The following MAGI2 variants were observed in gnomAD, a reference collection of about 807,000 sequenced individuals.
The protein encoded by MAGI2 is membrane associated guanylate kinase, WW and PDZ domain containing 2.
A neutral mutation model predicts 133.3 loss-of-function variants in MAGI2; 35 were observed. That is an observed-to-expected ratio of 0.26 (90% CI 0.20 to 0.35). MAGI2 has a LOEUF of 0.35. MAGI2 is among the 10% of genes least tolerant of loss of function. The probability of loss-of-function intolerance (pLI) is 1.00; values close to 1 mark genes in which losing one functional copy is unlikely to be tolerated. For synonymous variants in MAGI2, 729 were observed against 710.6 expected, an observed-to-expected ratio of 1.03 and a Z score of -0.41; for missense variants, 1,636 against 1,863.4, an observed-to-expected ratio of 0.88 and a Z score of 2.25.
intron 2 of MAGI2, among the ~76,000 whole-genome samples, chr7:78,699,198 C>G (rs1256209043): frequency 6.6e-6 from 1 of 152,142 alleles, no homozygotes; most frequent in Non-Finnish European, 1.5e-5. Context: ...CAATCTCTGC[C>G]TTGCGGGCTC....
chr7:78,271,314 G>T (rs1432994727), intron 9 of MAGI2, among the ~76,000 whole-genome samples: 1 of 152,136 alleles, frequency 6.6e-6, no homozygotes, highest in Non-Finnish European at 1.5e-5. Flanking sequence ...CGACTTGATC[G>T]TGGAGGATAA....
At chr7:79,235,279 C>T (rs1831800041) in intron 1 of MAGI2, among the ~76,000 whole-genome samples, 1 of 152,158 alleles carries the variant, frequency 6.6e-6, no homozygotes, top group African/African-American at 2.4e-5. Context: ...GAGGTGGAGC[C>T]TAGAGAGGCA....
At chr7:78,163,879 C>G (rs1005795633) in intron 15 of MAGI2, among the ~76,000 whole-genome samples, 14 of 144,180 alleles carry the variant, frequency 9.7e-5, no homozygotes, top group South Asian at 2.2e-4. Context: ...TGCACTCCAG[C>G]CTGGGCAACA....
intron 2 of MAGI2, among the ~76,000 whole-genome samples, chr7:78,650,438 A>C (rs1193044961): frequency 2.6e-5 from 4 of 152,156 alleles, no homozygotes; most frequent in African/African-American, 9.7e-5. Context: ...CAAGGGTCCC[A>C]TGTGTCATTT....
At chr7:78,725,178 G>A (rs1390822) in intron 2 of MAGI2, among the ~76,000 whole-genome samples, 6,796 of 152,206 alleles carry the variant, frequency 0.045, 277 homozygotes, top group East Asian at 0.22. Flanking sequence ...AACAATTTAC[G>A]TCTTTTTTGA....
At chr7:79,425,698 G>C (rs913816776) in intron 1 of MAGI2, among the ~76,000 whole-genome samples, 31 of 151,308 alleles carry the variant, frequency 2.0e-4, no homozygotes, top group African/African-American at 7.5e-4. Flanking sequence ...AAATTAACCT[G>C]ATAATATTTA....
chr7:79,005,728 T>C lies in MAGI2; in HGVS notation c.418+1362A>G, dbSNP rs372804168. On this transcript the variant is annotated intron_variant, in intron 2 of 21. Coordinates refer to ENST00000354212, the MANE Select transcript of MAGI2 (RefSeq NM_012301.4). ...TTGCTGCACTGACAACATCATAGCT[T>C]TGAAAATGCGTCCACCCGTTACCTT... 6.6e-5 allele frequency among the ~76,000 whole-genome samples: 10 copies of C among 152,296 alleles called. No individual in the cohort carries two copies. In the East Asian group the frequency reaches 1.2e-3, roughly 18 times the overall value.
At chr7:78,297,339 G>C (rs939641291) in intron 9 of MAGI2, among the ~76,000 whole-genome samples, 5 of 152,030 alleles carry the variant, frequency 3.3e-5, no homozygotes, top group South Asian at 4.2e-4. Context: ...ACAGGTGCTG[G>C]AGAGGATGTG....
intron 9 of MAGI2, among the ~76,000 whole-genome samples, chr7:78,314,572 C>T (rs1338886255): frequency 6.6e-6 from 1 of 152,132 alleles, no homozygotes. Context: ...TTAGCATTGG[C>T]TCTATTAGTA....
intron 20 of MAGI2, among the ~76,000 whole-genome samples, chr7:78,115,176 G>A (rs1284406253): frequency 6.6e-6 from 1 of 152,168 alleles, no homozygotes; most frequent in Non-Finnish European, 1.5e-5. Context: ...TGGGAACCTT[G>A]AGTTTCCATT....
chr7:78,487,711 C>G (rs964696377), intron 6 of MAGI2, among the ~76,000 whole-genome samples: 2 of 152,074 alleles, frequency 1.3e-5, no homozygotes, highest in African/African-American at 4.8e-5. Context: ...AGCTTTCACT[C>G]TATCTGGCTA....
intron 9 of MAGI2, among the ~76,000 whole-genome samples, chr7:78,297,352 G>GAAAT (rs1240704411): frequency 1.3e-5 from 2 of 152,012 alleles, no homozygotes; most frequent in Non-Finnish European, 2.9e-5. Context: ...AGGATGTGGA[G>GAAAT]AAATAGGAAC....
intron 2 of MAGI2, among the ~76,000 whole-genome samples, chr7:78,964,604 C>T (rs770440476): frequency 2.0e-4 from 31 of 152,172 alleles, no homozygotes; most frequent in Non-Finnish European, 3.4e-4. Flanking sequence ...TTCCCACCTG[C>T]TTCCTATGGA....
chr7:78,692,158 G>T (rs552205595), intron 2 of MAGI2, among the ~76,000 whole-genome samples: 84 of 152,258 alleles, frequency 5.5e-4, no homozygotes, highest in Non-Finnish European at 1.0e-4. Context: ...CAGTAAGCAG[G>T]TTTTTACATG....
intron 16 of MAGI2, 125 bp downstream of exon 16, chr7:78,159,900 C>G (rs548540742): frequency 7.8e-7 from 1 of 1,279,340 alleles, no homozygotes; most frequent in South Asian, 2.0e-5. Flanking sequence ...TGCCCACAGC[C>G]TGTGGCTTTC....
At chr7:79,324,593 AC>A (rs1839480632) in intron 1 of MAGI2, among the ~76,000 whole-genome samples, 1 of 53,152 alleles carries the variant, frequency 1.9e-5, no homozygotes, top group African/African-American at 6.5e-5. Context: ...TATATATATA[AC>A]AATATATATA....
intron 2 of MAGI2, among the ~76,000 whole-genome samples, chr7:78,928,461 C>A (rs1306010871): frequency 6.6e-6 from 1 of 151,574 alleles, no homozygotes; most frequent in East Asian, 1.9e-4. Context: ...AGGCTCATTC[C>A]TTTTAAATAG....
At chr7:78,141,469 T>C (rs554767614) in intron 16 of MAGI2, among the ~76,000 whole-genome samples, 2 of 152,176 alleles carry the variant, frequency 1.3e-5, no homozygotes, top group Non-Finnish European at 2.9e-5. Context: ...AAGAGTTTTC[T>C]TTGTCATCAT....
At chr7:78,884,800 C>A (rs1044166258) in intron 2 of MAGI2, among the ~76,000 whole-genome samples, 2 of 152,076 alleles carry the variant, frequency 1.3e-5, no homozygotes, top group Admixed American at 1.3e-4. Flanking sequence ...ACTTTTCAAC[C>A]CAGCAATCCC....
Sources: allele counts gnomAD v4.1 joint callset (sites outside exome capture counted in the v4.1 genomes callset), GRCh38; gene constraint gnomAD v4.1.1; transcripts MANE v1.5; gene names NCBI Gene and HGNC (gene_info 2026-07-23, HGNC 2026-07-21).